Variants in MATN3 observed in about 807,000 individuals in gnomAD.
MATN3 encodes the protein matrilin 3.
A neutral mutation model predicts 45.3 loss-of-function variants in MATN3; 48 were observed. The observed-to-expected ratio is 1.06, with a 90% CI of 0.84 to 1.35. MATN3 has a LOEUF of 1.35. MATN3 is among the 40% of genes most tolerant of loss of function. MATN3 has a pLI of 0.00. For synonymous variants in MATN3, 217 were observed against 245.9 expected, an observed-to-expected ratio of 0.88 and a Z score of 1.10; for missense variants, 599 against 628.0, an observed-to-expected ratio of 0.95 and a Z score of 0.49.
rs201329777 is a variant in MATN3, at chr2:20,005,993, G to A, written c.541C>T (p.Arg181Ter). 19 of 1,613,812 alleles carry A rather than the reference G, an allele frequency of 1.2e-5. No homozygotes were observed. Among genetic ancestry groups the A allele is most frequent in the South Asian group, 4.4e-5 (4 of 91,086 alleles). The change falls in exon 2 of 8, where the codon CGA becomes TGA. Residue 181 changes from arginine to a stop codon, truncating the protein, a stop_gained. Transcript: ENST00000407540. LOFTEE classifies it high-confidence loss of function. ...DEAFTVEAGA[R>*]EPSSNIPKVA... Reference sequence around the variant, plus strand: ...TTAGGGATGTTAGAAGAGGGCTCTCGAGCCCCTGCCTCCACTGTGAAGGCT... The same window carrying A: ...TTAGGGATGTTAGAAGAGGGCTCTCAAGCCCCTGCCTCCACTGTGAAGGCT...
rs886043710 is a variant in MATN3, at chr2:20,012,500, G to A, written c.132C>T (p.Pro44=). The A allele has an allele frequency of 8.1e-6, 10 of 1,228,550 alleles. No individual in the cohort carries two copies. The highest frequency in any genetic ancestry group is 3.1e-4 in the Middle Eastern group (1 of 3,194). The allele number at this position is 1,228,550 out of a possible 1,614,324, so 76.1% of individuals were successfully genotyped here. ...AGGGGCGGCGTCCAGGGCTGCCCCC[G>A]GGACCTCGGGTCTCCAGCCTCCGGA... ...PGFRRLETRG[P]GGSPGRRPSP... is the part of the protein sequence containing the mutation. Residue 44 remains proline, a synonymous_variant, in exon 1 of 8, where the codon CCC becomes CCT. Transcript: ENST00000407540. The surrounding 1 kb of genome is among the most constrained non-coding windows in gnomAD (Gnocchi z 4.3).
intron 5 of MATN3, chr2:19,997,942 C>T (rs1437470293): frequency 6.6e-6 from 1 of 152,206 alleles, no homozygotes; most frequent in Non-Finnish European, 1.5e-5. Context: ...CCATACTCAT[C>T]CCATGTTCAG....
At chr2:19,993,512 T>C (rs1241275922) in intron 7 of MATN3, among the ~76,000 whole-genome samples, 1 of 152,230 alleles carries the variant, frequency 6.6e-6, no homozygotes, top group Non-Finnish European at 1.5e-5. Flanking sequence ...AAGATTCTGC[T>C]GTTCTAACAA....
chr2:20,009,284 A>AAAC (rs55816811), intron 1 of MATN3, among the ~76,000 whole-genome samples: 2 of 148,078 alleles, frequency 1.4e-5, no homozygotes, highest in African/African-American at 5.1e-5. Flanking sequence ...AAAAAAAAAA[A>AAAC]CAACTCCAGC....
chr2:20,007,766 T>G (rs1673137404), intron 1 of MATN3, among the ~76,000 whole-genome samples: 1 of 152,214 alleles, frequency 6.6e-6, no homozygotes, highest in Non-Finnish European at 1.5e-5. Context: ...ATAGCCAGAT[T>G]TCCCACCTTC....
At chr2:20,010,537 G>A (rs1673202290) in intron 1 of MATN3, among the ~76,000 whole-genome samples, 1 of 152,222 alleles carries the variant, frequency 6.6e-6, no homozygotes, top group African/African-American at 2.4e-5. Context: ...TAATTATAAA[G>A]TAGAAGAGGG....
chr2:20,002,812 C>A (rs1264869585), intron 3 of MATN3, among the ~76,000 whole-genome samples: 2 of 151,824 alleles, frequency 1.3e-5, no homozygotes, highest in African/African-American at 2.4e-5. Context: ...ACCATGTTCT[C>A]GAGGCTAATC....
At chr2:19,999,809 C>G (rs146616054) in intron 5 of MATN3, among the ~76,000 whole-genome samples, 1 of 152,066 alleles carries the variant, frequency 6.6e-6, no homozygotes, top group African/African-American at 2.4e-5. Context: ...AGTGTTTTTA[C>G]ATTTATAAAT....
chr2:20,003,121 A>C, intron 3 of MATN3, 40 bp downstream of exon 3: 1 of 1,610,394 alleles, frequency 6.2e-7, no homozygotes, highest in Non-Finnish European at 8.5e-7. Flanking sequence ...ATAGGTTCCC[A>C]AGTATTTGAT....
At chr2:20,005,658 A>AG (rs2103483799) in intron 2 of MATN3, 86 bp downstream of exon 2, 2 of 1,169,528 alleles carry the variant, frequency 1.7e-6, no homozygotes, top group South Asian at 3.4e-5. Context: ...AATTTCCACC[A>AG]AAAAAGAATA....
intron 5 of MATN3, chr2:19,999,356 C>G (rs1011507651): frequency 1.3e-5 from 2 of 152,630 alleles, no homozygotes; most frequent in Non-Finnish European, 2.9e-5. Context: ...GCCAGTGCCA[C>G]TTTCCACTTG....
Position 20,002,159 on chromosome 2 carries a change from T to TACACAC in MATN3, c.917-80_917-79insGTGTGT, listed in dbSNP as rs534707164. Reference sequence around the variant, plus strand: ...AATTGTGGGCCACGCCACTTACAGTTATACACACACACACACACACACACA... The same window carrying TACACAC: ...AATTGTGGGCCACGCCACTTACAGTTACACACATACACACACACACACACACACACA... On this transcript the variant is annotated intron_variant, in intron 3 of 7. Transcript: ENST00000407540. The TACACAC allele has an allele frequency of 4.6e-3, 3,334 of 721,982 alleles. 94 individuals are homozygous for TACACAC. Among genetic ancestry groups the TACACAC allele is most frequent in the African/African-American group, 0.026 (964 of 37,496 alleles). The allele number at this position is 721,982 out of a possible 1,614,324, so 44.7% of individuals were successfully genotyped here.
At chr2:20,004,189 C>A (rs1401366172) in intron 2 of MATN3, 2 of 152,206 alleles carry the variant, frequency 1.3e-5, no homozygotes, top group Non-Finnish European at 2.9e-5. Flanking sequence ...AATGATCTTT[C>A]CAACCCGTTG....
intron 3 of MATN3, among the ~76,000 whole-genome samples, chr2:20,002,640 C>T (rs1193869739): frequency 1.3e-5 from 2 of 152,198 alleles, no homozygotes; most frequent in Non-Finnish European, 2.9e-5. Context: ...AGGTCTCCCT[C>T]TGTGGCAGTG....
At chr2:20,001,497 C>T (rs1672982584) in intron 4 of MATN3, among the ~76,000 whole-genome samples, 2 of 152,170 alleles carry the variant, frequency 1.3e-5, no homozygotes, top group African/African-American at 4.8e-5. Flanking sequence ...AGCAAGAATA[C>T]TACAGGTGTG....
At position 20,006,147 on chromosome 2, in the gene MATN3, G is replaced by T. The variant is rs754698616; in HGVS notation, c.387C>A (p.Ser129Arg). Residue 129 changes from serine (S) to arginine (R), a missense_variant, in exon 2 of 8, where the codon AGC becomes AGA. Ser to Arg is a moderately radical substitution (Grantham distance 110, BLOSUM62 -1). Coordinates refer to ENST00000407540, the MANE Select transcript of MATN3 (RefSeq NM_002381.5). ...GGAGTTGGAACTCGATCTTCACAGT[G>T]CTAGCATAGTTCACCACTGCCACCC... ...DTRVAVVNYA[S>R]TVKIEFQLQA... 1.9e-6 allele frequency: 3 copies of T among 1,613,912 alleles called. No individual in the cohort carries two copies. Among genetic ancestry groups the T allele is most frequent in the East Asian group, 2.2e-5 (1 of 44,890 alleles).
intron 4 of MATN3, among the ~76,000 whole-genome samples, chr2:20,000,783 G>A (rs1400736610): frequency 1.3e-5 from 2 of 152,098 alleles, no homozygotes; most frequent in Non-Finnish European, 2.9e-5. Flanking sequence ...AATTGCTTTT[G>A]GAAATCATCA....
At chr2:20,006,393 C>A in intron 1 of MATN3, 83 bp from the exon 2 acceptor site, 1 of 1,101,848 alleles carries the variant, frequency 9.1e-7, no homozygotes, top group Non-Finnish European at 1.3e-6. Context: ...TTCCAGGAGG[C>A]CAGGCAAGGC....
intron 1 of MATN3, among the ~76,000 whole-genome samples, chr2:20,009,402 TCTCA>T (rs1673173987): frequency 6.6e-6 from 1 of 151,990 alleles, no homozygotes. Context: ...CACCACATGT[TCTCA>T]CTCATAAGTG....
Sources: gnomAD v4.1 joint callset for allele counts (sites outside exome capture counted in the v4.1 genomes callset) on GRCh38, gnomAD v4.1.1 for gene constraint, Gnocchi (gnomAD v3.1) non-coding constraint, MANE v1.5 for transcripts, NCBI Gene and HGNC (gene_info 2026-07-23, HGNC 2026-07-21) for gene names.